Variants in FARP1 observed in about 807,000 individuals in gnomAD.
FARP1 encodes FERM, ARH/RhoGEF and pleckstrin domain protein 1, also known as FERM, ARHGEF and pleckstrin domain-containing protein 1.
In FARP1, 52 loss-of-function variants were observed where a neutral mutation model predicts 128.8. That is an observed-to-expected ratio of 0.40 (90% confidence interval 0.32 to 0.51). The LOEUF (loss-of-function observed/expected upper bound fraction) is 0.51. Among genes scored for constraint, FARP1 ranks in the 20% least tolerant of loss-of-function variants. FARP1 has a pLI of 0.45. For missense variants in FARP1, 1,333 were observed against 1,367.9 expected (o/e 0.97, Z 0.40); for synonymous variants, 580 against 551.8 (o/e 1.05, Z -0.72).
intron 2 of FARP1, among the ~76,000 whole-genome samples, chr13:98,259,203 G>A (rs1658045624): frequency 6.6e-6 from 1 of 152,102 alleles, no homozygotes; most frequent in African/African-American, 2.4e-5. Context: ...GGGCAACAGA[G>A]CAAGACCCTG....
At chr13:98,172,789 C>T (rs566771562) in intron 1 of FARP1, among the ~76,000 whole-genome samples, 2 of 152,242 alleles carry the variant, frequency 1.3e-5, no homozygotes, top group South Asian at 4.1e-4. Flanking sequence ...TCTCCTTGAA[C>T]ATCTGTGCAA....
rs184668832 is a variant in FARP1, at chr13:98,350,838, A to G, written c.276+6972A>G. ...TTTATTTGCCAATTAACCAATCCAG[A>G]GGCCTATCCAGCCACCTCCTTCCTG... On this transcript the variant is annotated intron_variant, in intron 3 of 26. Coordinates refer to ENST00000319562, the MANE Select transcript of FARP1 (RefSeq NM_005766.4). Among the ~76,000 whole-genome samples the G allele has an allele frequency of 5.6e-4, 86 of 152,238 alleles. No homozygotes were observed. In the Middle Eastern group the frequency reaches 0.01, roughly 18 times the overall value.
intron 3 of FARP1, among the ~76,000 whole-genome samples, chr13:98,347,744 G>A (rs7334917): frequency 0.11 from 16,411 of 152,140 alleles, 1,161 homozygotes; most frequent in African/African-American, 0.2. Context: ...CATCGTGACT[G>A]TCACCTCTGC....
At chr13:98,281,864 G>C (rs1280136618) in intron 2 of FARP1, among the ~76,000 whole-genome samples, 2 of 152,124 alleles carry the variant, frequency 1.3e-5, no homozygotes, top group Non-Finnish European at 2.9e-5. Flanking sequence ...CTGTTATTTG[G>C]AGGGCACGCA....
At chr13:98,235,186 A>G (rs1220077493) in intron 2 of FARP1, among the ~76,000 whole-genome samples, 1 of 151,698 alleles carries the variant, frequency 6.6e-6, no homozygotes, top group African/African-American at 2.4e-5. Context: ...GCATTTTTAC[A>G]CCCCTGAACA....
In FARP1 at chr13:98,343,798, T is replaced by A; in HGVS notation, c.208T>A (p.Cys70Ser). ...APGKVLLDAV[C>S]NHLNLVEGDY... ...TGGGAAGGTGCTGCTGGATGCAGTT[T>A]GCAACCACCTCAACCTCGTGGAAGG... The change falls in exon 3 of 27, where the codon TGC becomes AGC. Residue 70 changes from cysteine to serine, a missense_variant. Around this residue, in one of 2 missense-constraint regions of FARP1, gnomAD observed 324 missense variants for 398.1 expected, o/e 0.81. Coordinates refer to ENST00000319562, the MANE Select transcript of FARP1 (RefSeq NM_005766.4). The A allele has an allele frequency of 6.2e-7, 1 of 1,614,220 alleles. No individual in the cohort carries two copies. The highest frequency in any genetic ancestry group is 8.5e-7 in the Non-Finnish European group (1 of 1,180,020).
rs141321837 is a variant in FARP1 at position 98,343,097 on chromosome 13, A to G, written c.172-665A>G. Among the ~76,000 whole-genome samples the G allele has an allele frequency of 5.9e-5, 9 of 152,334 alleles. No individual in the cohort carries two copies. The East Asian group carries it at 1.5e-3, about 26-fold the overall frequency. ...TGAAAGAAGGCAGTCTGCAAAGGCT[A>G]CGTACTGTATGAGTCCTGTATGAGT... On this transcript the variant is annotated intron_variant, in intron 2 of 26. Coordinates refer to ENST00000319562, the MANE Select transcript of FARP1 (RefSeq NM_005766.4).
rs759075941 is a variant in FARP1 at position 98,424,554 on chromosome 13, C to T, written c.1827-18C>T. 5.1e-6 allele frequency: 8 copies of T among 1,565,900 alleles called. No homozygotes were observed. In the East Asian group the frequency reaches 9.0e-5, roughly 18 times the overall value. On this transcript the variant is annotated intron_variant, in intron 16 of 26. Transcript: ENST00000319562. ...CTACTGATGCTTTGTATTTCCAACCCTTTGCTTTTGCTCTCAGGGAAGGCC... is the reference window on the plus strand; with the variant it reads ...CTACTGATGCTTTGTATTTCCAACCTTTTGCTTTTGCTCTCAGGGAAGGCC...
intron 17 of FARP1, 124 bp downstream of exon 17, chr13:98,424,774 G>A: frequency 2.8e-6 from 2 of 717,180 alleles, no homozygotes; most frequent in East Asian, 2.6e-5. Context: ...TCTACACCAA[G>A]CTTGTCCAAC....
intron 2 of FARP1, among the ~76,000 whole-genome samples, chr13:98,246,183 C>CT (rs1883048548): frequency 1.3e-5 from 2 of 148,554 alleles, no homozygotes; most frequent in African/African-American, 5.0e-5. Flanking sequence ...CAGGCTCCGC[C>CT]CCCTGGGGTT....
At chr13:98,190,206 A>G (rs1484035356) in intron 1 of FARP1, among the ~76,000 whole-genome samples, 2 of 152,170 alleles carry the variant, frequency 1.3e-5, no homozygotes, top group Non-Finnish European at 2.9e-5. Context: ...ATATTTTACA[A>G]TTTTCTCCTT....
At chr13:98,165,698 C>T (rs1325645608) in intron 1 of FARP1, among the ~76,000 whole-genome samples, 3 of 131,040 alleles carry the variant, frequency 2.3e-5, no homozygotes, top group Non-Finnish European at 4.9e-5. Flanking sequence ...AAAAAAAACC[C>T]TTCCAGAAGG....
chr13:98,365,879 T>A (rs1889059049), intron 4 of FARP1, among the ~76,000 whole-genome samples: 1 of 138,524 alleles, frequency 7.2e-6, no homozygotes, highest in Non-Finnish European at 1.6e-5. Context: ...AAAGTGTGAG[T>A]GTGTGTGTGT....
chr13:98,163,278 T>G (rs1369267832), intron 1 of FARP1, among the ~76,000 whole-genome samples: 2 of 151,948 alleles, frequency 1.3e-5, no homozygotes, highest in African/African-American at 4.8e-5. Context: ...AGAGAACTGA[T>G]GGACACACAG....
In FARP1 at chr13:98,394,754, G is replaced by A. The variant is rs1169777750; in HGVS notation, c.1165-473G>A. Among the ~76,000 whole-genome samples, 6 of 152,274 alleles carry A rather than the reference G, an allele frequency of 3.9e-5. No individual in the cohort carries two copies. The East Asian group carries it at 1.2e-3, about 29-fold the overall frequency. Reference sequence around the variant, plus strand: ...GTTCAAGCGCAGCCTGGACAACACAGGGAGACCCCATCTCTACAAAAAAAA... The same window carrying A: ...GTTCAAGCGCAGCCTGGACAACACAAGGAGACCCCATCTCTACAAAAAAAA... On this transcript the variant is annotated intron_variant, in intron 12 of 26. Transcript: ENST00000319562.
intron 2 of FARP1, among the ~76,000 whole-genome samples, chr13:98,232,145 G>GTTTTTTTTTTTTTTTTTTT (rs59209045): frequency 2.8e-5 from 3 of 105,790 alleles, no homozygotes; most frequent in African/African-American, 1.1e-4. Context: ...TGTTTGGTTG[G>GTTTTTTTTTTTTTTTTTTT]TTTTTTTTTT....
chr13:98,398,771 A>G (rs1890650368), intron 13 of FARP1: 1 of 152,200 alleles, frequency 6.6e-6, no homozygotes, highest in Non-Finnish European at 1.5e-5. Context: ...CAAGTGTGGA[A>G]TCCTGTGGTT....
intron 1 of FARP1, among the ~76,000 whole-genome samples, chr13:98,191,606 T>C (rs912577932): frequency 3.3e-5 from 5 of 152,240 alleles, no homozygotes; most frequent in African/African-American, 1.2e-4. Flanking sequence ...TCAGTATTTC[T>C]TTTTTTCCTT....
At position 98,176,438 on chromosome 13, in the gene FARP1, CTGGGTTT is replaced by C; in HGVS notation, c.-24+32950_-24+32956del. The C allele has an allele frequency of 1.2e-6, 2 of 1,614,212 alleles. No individual in the cohort carries two copies. Among genetic ancestry groups the C allele is most frequent in the Non-Finnish European group, 1.7e-6 (2 of 1,180,034 alleles). The stretch of plus-strand genomic sequence containing the variant: ...AAATAATGCCTGCACTTGGTGACGA[CTGGGTTT>C]TGGAAGGCCTGGCGACATATGAAAC... On this transcript the variant is annotated intron_variant, in intron 1 of 26. Transcript: ENST00000319562. This position sits in a 1 kb window ranked among gnomAD's most constrained non-coding sequence, Gnocchi z 6.2.
Sources: allele counts gnomAD v4.1 joint callset (sites outside exome capture counted in the v4.1 genomes callset), GRCh38; gene constraint gnomAD v4.1.1; regional missense constraint gnomAD v4.1.1; non-coding constraint Gnocchi (gnomAD v3.1); transcripts MANE v1.5; gene names NCBI Gene and HGNC (gene_info 2026-07-23, HGNC 2026-07-21).